The following SPAG9 variants were observed in gnomAD, a reference collection of about 807,000 sequenced individuals.
SPAG9 encodes sperm associated antigen 9.
SPAG9 carries 35 observed loss-of-function variants against 166.5 expected under a neutral mutation model. The observed-to-expected ratio is 0.21, with a 90% confidence interval of 0.16 to 0.28. SPAG9 has a LOEUF of 0.28. Ranked by LOEUF, SPAG9 falls within the 10% of genes least tolerant of loss-of-function variation. SPAG9 has a pLI of 1.00. For missense variants in SPAG9, 1,235 were observed against 1,603.3 expected (o/e 0.77, Z 3.92); for synonymous variants, 534 against 565.5 (o/e 0.94, Z 0.79).
chr17:50,988,024 T>A (rs1022334578), intron 21 of SPAG9, among the ~76,000 whole-genome samples: 11 of 152,182 alleles, frequency 7.2e-5, no homozygotes, highest in African/African-American at 2.7e-4. Context: ...AAGACCAGCC[T>A]AGCCAACATG....
intron 2 of SPAG9, among the ~76,000 whole-genome samples, chr17:51,069,708 A>G (rs1042064188): frequency 7.9e-5 from 12 of 152,190 alleles, no homozygotes; most frequent in Non-Finnish European, 1.2e-4. Flanking sequence ...TGACCAAGAA[A>G]TAAGAAGTGT....
At chr17:51,003,154 A>G (rs1180512991) in intron 12 of SPAG9, among the ~76,000 whole-genome samples, 1 of 151,888 alleles carries the variant, frequency 6.6e-6, no homozygotes, top group African/African-American at 2.4e-5. Flanking sequence ...CAGGAGGATC[A>G]CTTGAGCCCA....
intron 3 of SPAG9, among the ~76,000 whole-genome samples, chr17:51,050,708 A>G (rs981061790): frequency 2.0e-5 from 3 of 151,794 alleles, no homozygotes; most frequent in Admixed American, 2.0e-4. Flanking sequence ...AAGGCCTCAC[A>G]GTATCACTCA....
At chr17:50,966,813 C>A (rs1973396272) in intron 29 of SPAG9, among the ~76,000 whole-genome samples, 1 of 152,074 alleles carries the variant, frequency 6.6e-6, no homozygotes, top group Non-Finnish European at 1.5e-5. Context: ...CTAACTAAAC[C>A]CAAATAACTC....
At chr17:51,075,195 C>CAAAAAAAAAAAA (rs57533555) in intron 2 of SPAG9, among the ~76,000 whole-genome samples, 10 of 28,938 alleles carry the variant, frequency 3.5e-4, no homozygotes, top group African/African-American at 5.0e-4. Context: ...GACTCCATCT[C>CAAAAAAAAAAAA]AAAAAAAAAA....
Position 51,120,772 on chromosome 17 carries a change from G to A in SPAG9, c.-116C>T. ...GGGTACTAGGGCTGGAGCCCGGGCC[G>A]GGGCTGGGGCTGGGCCCGGCGGGGT... On this transcript the variant is annotated 5_prime_UTR_variant, in exon 1 of 30. Coordinates refer to ENST00000262013, the MANE Select transcript of SPAG9 (RefSeq NM_001130528.3). This position sits in a 1 kb window ranked among gnomAD's most constrained non-coding sequence, Gnocchi z 4.7. 1.2e-6 allele frequency: 1 copy of A among 826,180 alleles called. No individual in the cohort carries two copies. Among genetic ancestry groups the A allele is most frequent in the Non-Finnish European group, 1.7e-6 (1 of 578,124 alleles). The allele number at this position is 826,180 out of a possible 1,614,324, so 51.2% of individuals were successfully genotyped here. A position where few individuals can be genotyped will look rare whatever the true frequency, so the allele number is the denominator to read the frequency against.
intron 2 of SPAG9, among the ~76,000 whole-genome samples, chr17:51,063,640 T>C (rs1323171656): frequency 1.3e-5 from 2 of 151,976 alleles, no homozygotes; most frequent in Non-Finnish European, 2.9e-5. Context: ...TCCCAGCACT[T>C]TGGGAGACCA....
intron 2 of SPAG9, among the ~76,000 whole-genome samples, chr17:51,078,443 T>G (rs2048074796): frequency 6.6e-6 from 1 of 152,228 alleles, no homozygotes; most frequent in African/African-American, 2.4e-5. Context: ...TGAATGGCTG[T>G]ACCTTTATAG....
chr17:50,998,363 C>A, intron 15 of SPAG9, 81 bp downstream of exon 15: 1 of 1,294,128 alleles, frequency 7.7e-7, no homozygotes, highest in South Asian at 1.4e-5. Context: ...TACCTGAATC[C>A]TTAGAGCTGA....
At chr17:51,053,881 ATATATATATATATATAT>A (rs2047274445) in intron 3 of SPAG9, among the ~76,000 whole-genome samples, 1 of 109,438 alleles carries the variant, frequency 9.1e-6, no homozygotes, top group Non-Finnish European at 1.7e-5. Context: ...ATATATATAT[ATATATATATATATATAT>A]AAAACATATA....
chr17:50,991,048 C>T (rs367901019), intron 19 of SPAG9, among the ~76,000 whole-genome samples: 53 of 151,740 alleles, frequency 3.5e-4, no homozygotes, highest in African/African-American at 5.6e-4. Context: ...CTGGGACTAC[C>T]GGTGTGAGCC....
At chr17:51,076,182 G>A (rs1256919395) in intron 2 of SPAG9, among the ~76,000 whole-genome samples, 1 of 152,168 alleles carries the variant, frequency 6.6e-6, no homozygotes, top group Non-Finnish European at 1.5e-5. Flanking sequence ...AGCACTTTGG[G>A]AGGCCGAGGC....
At chr17:51,053,450 G>C (rs987674292) in intron 3 of SPAG9, among the ~76,000 whole-genome samples, 2 of 152,160 alleles carry the variant, frequency 1.3e-5, no homozygotes, top group African/African-American at 4.8e-5. Flanking sequence ...ACTTTGGTAG[G>C]CCAAGGCAGA....
At chr17:50,976,021 C>T (rs906402322) in intron 27 of SPAG9, 39 of 734,878 alleles carry the variant, frequency 5.3e-5, no homozygotes, top group South Asian at 7.7e-5. Flanking sequence ...AAGCCCCTAA[C>T]GAAAATAACA....
At chr17:51,067,203 GA>G (rs930714464) in intron 2 of SPAG9, among the ~76,000 whole-genome samples, 5 of 152,062 alleles carry the variant, frequency 3.3e-5, no homozygotes, top group African/African-American at 1.2e-4. Flanking sequence ...TTTCTTTTCT[GA>G]AAATACTTAC....
At chr17:51,058,012 G>C (rs1206860885) in intron 2 of SPAG9, among the ~76,000 whole-genome samples, 2 of 152,216 alleles carry the variant, frequency 1.3e-5, no homozygotes, top group Non-Finnish European at 2.9e-5. Flanking sequence ...CATTTAAACT[G>C]ATTAAAAGCT....
At chr17:51,047,507 C>T in intron 3 of SPAG9, 38 bp from the exon 4 acceptor site, 1 of 949,540 alleles carries the variant, frequency 1.1e-6, no homozygotes, top group Non-Finnish European at 1.6e-6. Context: ...ATATTTAAGG[C>T]TAATACCTGG....
intron 1 of SPAG9, among the ~76,000 whole-genome samples, chr17:51,115,848 GAAAAGAAAAGA>G (rs61323552): frequency 0.061 from 9,187 of 151,586 alleles, 354 homozygotes; most frequent in Non-Finnish European, 0.09. Flanking sequence ...GAAAAGAAAA[GAAAAGAAAAGA>G]AAAAGAAAAG....
At chr17:51,092,230 T>A (rs2048485476) in intron 1 of SPAG9, among the ~76,000 whole-genome samples, 1 of 152,064 alleles carries the variant, frequency 6.6e-6, no homozygotes, top group African/African-American at 2.4e-5. Context: ...GAAGACCATA[T>A]TAAATAACAC....
Sources: allele counts gnomAD v4.1 joint callset (sites outside exome capture counted in the v4.1 genomes callset), GRCh38; gene constraint gnomAD v4.1.1; non-coding constraint Gnocchi (gnomAD v3.1); transcripts MANE v1.5; gene names NCBI Gene and HGNC (gene_info 2026-07-23, HGNC 2026-07-21).